The following LNX1 variants were observed in gnomAD, a reference collection of about 807,000 sequenced individuals.
LNX1 encodes E3 ubiquitin-protein ligase LNX.
A neutral mutation model predicts 68.4 loss-of-function variants in LNX1; 54 were observed. The ratio of observed to expected loss-of-function variants is 0.79; its 90% CI spans 0.63 to 0.99. The LOEUF is 0.99. Among genes scored for constraint, LNX1 ranks in the 50% least tolerant of loss-of-function variants. The probability of loss-of-function intolerance (pLI) is 0.00; values close to 1 mark genes in which losing one functional copy is unlikely to be tolerated. For missense variants in LNX1, 906 were observed against 926.4 expected (o/e 0.98, Z 0.29); for synonymous variants, 336 against 350.0 (o/e 0.96, Z 0.45).
intron 1 of LNX1, among the ~76,000 whole-genome samples, chr4:53,646,662 A>G (rs566057278): frequency 3.3e-5 from 5 of 152,348 alleles, no homozygotes; most frequent in Non-Finnish European, 7.3e-5. Flanking sequence ...TTAGATGTTT[A>G]GTAGCTAATA....
intron 2 of LNX1, among the ~76,000 whole-genome samples, chr4:53,546,942 A>G (rs1429311542): frequency 6.6e-6 from 1 of 152,316 alleles, no homozygotes; most frequent in East Asian, 1.9e-4. Flanking sequence ...GCCTCTCTCC[A>G]TGGAATTTCC....
In LNX1 at chr4:53,541,951, G is replaced by A. The variant is rs779001826; in HGVS notation, c.380+31672C>T. ...AGGAATATTTGGCAAACATGAGCAT[G>A]CATAAATCAGCTGCTCCAGATGACA... On this transcript the variant is annotated intron_variant, in intron 2 of 10. Coordinates refer to ENST00000263925, the MANE Select transcript of LNX1 (RefSeq NM_001126328.3). Among the ~76,000 whole-genome samples the A allele has an allele frequency of 5.7e-4, 86 of 152,204 alleles. 1 individual carries two copies. The highest frequency in any genetic ancestry group is 1.2e-4 in the Non-Finnish European group (8 of 68,034).
rs193032425 is a variant in LNX1 at position 53,540,625 on chromosome 4, C to T, written c.381-32398G>A. ...TGAACCCAGGAGGGGGAGGTTGCAG[C>T]GAGCCGAGATTGCGCCACTGCACTC... On this transcript the variant is annotated intron_variant, in intron 2 of 10. Coordinates refer to ENST00000263925, the MANE Select transcript of LNX1 (RefSeq NM_001126328.3). 8.6e-3 allele frequency among the ~76,000 whole-genome samples: 1,279 copies of T among 149,056 alleles called. 20 individuals are homozygous for T. Among genetic ancestry groups the T allele is most frequent in the African/African-American group, 0.028 (1,148 of 40,418 alleles).
intron 4 of LNX1, 60 bp downstream of exon 4, chr4:53,507,257 C>A (rs1384488510): frequency 1.3e-6 from 2 of 1,563,704 alleles, no homozygotes; most frequent in African/African-American, 1.4e-5. Flanking sequence ...TTGCGTCATC[C>A]CTGAAGTCCC....
intron 2 of LNX1, among the ~76,000 whole-genome samples, chr4:53,560,253 T>C (rs978690401): frequency 6.6e-6 from 1 of 152,230 alleles, no homozygotes; most frequent in African/African-American, 2.4e-5. Flanking sequence ...ATCTTGGACA[T>C]GTCAGATTGC....
At chr4:53,588,277 C>T (rs1732297489) in intron 1 of LNX1, among the ~76,000 whole-genome samples, 1 of 152,142 alleles carries the variant, frequency 6.6e-6, no homozygotes, top group African/African-American at 2.4e-5. Context: ...GATACACAGA[C>T]CTGTCTGATA....
intron 1 of LNX1, among the ~76,000 whole-genome samples, chr4:53,632,570 G>A (rs1250905775): frequency 6.6e-6 from 1 of 152,194 alleles, no homozygotes; most frequent in Non-Finnish European, 1.5e-5. Flanking sequence ...TTCCCTGTCG[G>A]ATCAGGCTAA....
intron 2 of LNX1, among the ~76,000 whole-genome samples, chr4:53,544,612 G>C (rs1031963640): frequency 1.3e-5 from 2 of 152,242 alleles, no homozygotes; most frequent in African/African-American, 4.8e-5. Flanking sequence ...AGACCCTGGA[G>C]TGGTAAGACA....
At chr4:53,612,194 C>T (rs1733522356) in intron 2 of LNX1, among the ~76,000 whole-genome samples, 1 of 152,128 alleles carries the variant, frequency 6.6e-6, no homozygotes, top group Non-Finnish European at 1.5e-5. Flanking sequence ...TGACTTTATA[C>T]CCACCAGATT....
intron 2 of LNX1, among the ~76,000 whole-genome samples, chr4:53,513,939 C>T (rs920300748): frequency 6.6e-6 from 1 of 152,218 alleles, no homozygotes; most frequent in African/African-American, 2.4e-5. Flanking sequence ...ATCCCTTGCT[C>T]ATACAGCCCT....
At chr4:53,533,722 G>C (rs115313586) in intron 2 of LNX1, among the ~76,000 whole-genome samples, 1 of 152,116 alleles carries the variant, frequency 6.6e-6, no homozygotes, top group South Asian at 2.1e-4. Flanking sequence ...TGATTGCCAC[G>C]ATTTGGGAGG....
chr4:53,518,553 A>G (rs1042143722), intron 2 of LNX1, among the ~76,000 whole-genome samples: 13 of 152,168 alleles, frequency 8.5e-5, no homozygotes, highest in African/African-American at 2.7e-4. Flanking sequence ...GAGACCACAT[A>G]CTGTTTTACA....
At chr4:53,584,459 G>A (rs1454982693) in intron 1 of LNX1, among the ~76,000 whole-genome samples, 2 of 152,164 alleles carry the variant, frequency 1.3e-5, no homozygotes, top group African/African-American at 4.8e-5. Context: ...CAAGACAGGA[G>A]CCATGGACAA....
chr4:53,648,846 G>T (rs1476862971), intron 1 of LNX1, among the ~76,000 whole-genome samples: 6 of 152,176 alleles, frequency 3.9e-5, no homozygotes, highest in Non-Finnish European at 5.9e-5. Flanking sequence ...AGTGATAATT[G>T]AATTTCCCTC....
intron 2 of LNX1, among the ~76,000 whole-genome samples, chr4:53,607,463 G>T (rs1417419070): frequency 6.6e-6 from 1 of 152,132 alleles, no homozygotes; most frequent in Non-Finnish European, 1.5e-5. Flanking sequence ...AATCAGAGAT[G>T]ACGCAAACAA....
intron 2 of LNX1, among the ~76,000 whole-genome samples, chr4:53,554,869 C>A (rs907632739): frequency 6.9e-6 from 1 of 144,100 alleles, no homozygotes; most frequent in Non-Finnish European, 1.5e-5. Context: ...AAAAAAAAAT[C>A]CTGCCTTGCC....
At chr4:53,479,977 C>A (rs1354703879) in intron 7 of LNX1, among the ~76,000 whole-genome samples, 1 of 152,188 alleles carries the variant, frequency 6.6e-6, no homozygotes, top group Middle Eastern at 3.2e-3. Flanking sequence ...AGAGGTAAAC[C>A]ATGCAAAATT....
rs1278714906 is a variant in LNX1 at position 53,508,138 on chromosome 4, GCT to G, written c.468_469del (p.Ala157HisfsTer50). 7.4e-6 allele frequency: 12 copies of G among 1,614,174 alleles called. No individual in the cohort carries two copies. The highest frequency in any genetic ancestry group is 1.0e-5 in the Non-Finnish European group (12 of 1,180,028). ...AGAAACCTCTGGGGAGGGAGCCGTG[GCT>G]GTGAGGCTCGCACAGCCGTCTGGAC... On this transcript the variant is annotated frameshift_variant, in exon 3 of 11. Transcript: ENST00000263925. LOFTEE classifies it high-confidence loss of function.
chr4:53,523,205 C>A (rs1387219937), intron 2 of LNX1: 1 of 152,138 alleles, frequency 6.6e-6, no homozygotes, highest in Non-Finnish European at 1.5e-5. Context: ...ATGTTCCTGA[C>A]AAAGAATAAG....
Sources: allele counts gnomAD v4.1 joint callset (sites outside exome capture counted in the v4.1 genomes callset), GRCh38; gene constraint gnomAD v4.1.1; transcripts MANE v1.5; gene names NCBI Gene and HGNC (gene_info 2026-07-23, HGNC 2026-07-21).